The following BLTP1 variants were observed in gnomAD, a reference collection of about 807,000 sequenced individuals.
BLTP1 encodes fragile site-associated protein.
chr4:122,349,049 C>A, the BLTP1 span: 1 of 902,456 alleles, frequency 1.1e-6, no homozygotes, highest in Non-Finnish European at 1.6e-6. This position sits in a 1 kb window ranked among gnomAD's most constrained non-coding sequence, Gnocchi z 4.5. Context: ...GTTTCATTGT[C>A]AAACTTGACC....
the BLTP1 span, among the ~76,000 whole-genome samples, chr4:122,217,900 T>A: frequency 2.0e-5 from 3 of 152,168 alleles, no homozygotes; most frequent in Non-Finnish European, 2.9e-5. Context: ...TGTTTGTTAT[T>A]CATCTGTTCA....
At chr4:122,314,773 T>C in the BLTP1 span, among the ~76,000 whole-genome samples, 1 of 152,154 alleles carries the variant, frequency 6.6e-6, no homozygotes, top group Admixed American at 6.6e-5. Context: ...GTCAGGACTT[T>C]TAAGTGACAA....
the BLTP1 span, chr4:122,269,742 GT>G: frequency 1.1e-6 from 1 of 940,278 alleles, no homozygotes; most frequent in African/African-American, 1.8e-5. Context: ...AGCCAGGGCA[GT>G]TACTAAACAT....
At chr4:122,208,427 A>G in the BLTP1 span, 1 of 984,818 alleles carries the variant, frequency 1.0e-6, no homozygotes, top group East Asian at 1.1e-4. Context: ...TTAGGAAAAA[A>G]GTAAAGCCAA....
chr4:122,351,245 G>GA, the BLTP1 span: 14 of 910,978 alleles, frequency 1.5e-5, no homozygotes, highest in African/African-American at 1.8e-5. Flanking sequence ...CGTATACATT[G>GA]AAAAAAACTA....
the BLTP1 span, among the ~76,000 whole-genome samples, chr4:122,177,012 G>A: frequency 5.3e-5 from 8 of 152,130 alleles, no homozygotes; most frequent in Admixed American, 2.6e-4. Context: ...ATTCACTAGC[G>A]TTAAACCTTT....
the BLTP1 span, chr4:122,266,634 T>TTATATGACTCTAA: frequency 1.9e-6 from 1 of 535,610 alleles, no homozygotes; most frequent in Non-Finnish European, 3.0e-6. Context: ...TTAGAGTCAA[T>TTATATGACTCTAA]TATATGAGAC....
chr4:122,345,412 G>A, the BLTP1 span, among the ~76,000 whole-genome samples: 1 of 151,340 alleles, frequency 6.6e-6, no homozygotes, highest in African/African-American at 2.4e-5. Context: ...GTATTCAATG[G>A]CACAGAAGCA....
At chr4:122,305,670 A>G in the BLTP1 span, 15 of 939,046 alleles carry the variant, frequency 1.6e-5, no homozygotes, top group Non-Finnish European at 1.9e-5. Flanking sequence ...AAGTTTATCT[A>G]TGACTTCATA....
chr4:122,177,493 TCTCA>T, the BLTP1 span, among the ~76,000 whole-genome samples: 1 of 152,310 alleles, frequency 6.6e-6, no homozygotes, highest in East Asian at 1.9e-4. Context: ...TGGCTTCCCA[TCTCA>T]CTCAGAACAA....
the BLTP1 span, chr4:122,301,348 A>G: frequency 1.2e-6 from 2 of 1,604,330 alleles, no homozygotes; most frequent in African/African-American, 2.7e-5. Flanking sequence ...GGAACAGCAG[A>G]TGGAGATAAA....
At chr4:122,360,032 T>C in the BLTP1 span, 13 of 985,418 alleles carry the variant, frequency 1.3e-5, no homozygotes, top group Non-Finnish European at 1.4e-5. Context: ...CAAGATGTTA[T>C]TTTCAGGGTT....
At chr4:122,329,408 G>A in the BLTP1 span, among the ~76,000 whole-genome samples, 1 of 151,178 alleles carries the variant, frequency 6.6e-6, no homozygotes, top group African/African-American at 2.4e-5. Context: ...TTAGAATCTT[G>A]TCATTATATT....
the BLTP1 span, among the ~76,000 whole-genome samples, chr4:122,158,559 A>G: frequency 6.6e-6 from 1 of 152,110 alleles, no homozygotes; most frequent in African/African-American, 2.4e-5. Context: ...CAAGGTCAGG[A>G]GATTGAGACC....
chr4:122,228,149 G>A, the BLTP1 span, among the ~76,000 whole-genome samples: 13 of 151,982 alleles, frequency 8.6e-5, no homozygotes, highest in Non-Finnish European at 1.6e-4. Flanking sequence ...TCCTGACCTC[G>A]TGATCCGCCT....
chr4:122,211,116 T>G, the BLTP1 span: 1 of 1,579,060 alleles, frequency 6.3e-7, no homozygotes. Context: ...TAAAAACAAC[T>G]TACATACTTT....
At chr4:122,337,463 TC>T in the BLTP1 span, among the ~76,000 whole-genome samples, 2 of 152,054 alleles carry the variant, frequency 1.3e-5, no homozygotes, top group Admixed American at 1.3e-4. Context: ...GTTGTATGGG[TC>T]CTCAAAGTAC....
At chr4:122,159,988 G>T in the BLTP1 span, among the ~76,000 whole-genome samples, 2 of 152,138 alleles carry the variant, frequency 1.3e-5, no homozygotes, top group Non-Finnish European at 2.9e-5. Context: ...AGGTAGCAAG[G>T]ATTATACCTA....
the BLTP1 span, among the ~76,000 whole-genome samples, chr4:122,337,804 A>G: frequency 6.7e-6 from 1 of 149,752 alleles, no homozygotes; most frequent in Non-Finnish European, 1.5e-5. Flanking sequence ...AGTCCTACCA[A>G]TAGGCCTTTG....
Sources: gnomAD v4.1 joint callset for allele counts (sites outside exome capture counted in the v4.1 genomes callset) on GRCh38, gnomAD v4.1.1 for gene constraint, Gnocchi (gnomAD v3.1) non-coding constraint, MANE v1.5 for transcripts, NCBI Gene and HGNC (gene_info 2026-07-23, HGNC 2026-07-21) for gene names.